USH2A: variants seen among roughly 807,000 people sequenced by gnomAD.
USH2A encodes Usher syndrome 2A (autosomal recessive, mild).
A neutral mutation model predicts 538.9 loss-of-function variants in USH2A; 443 were observed. That is an observed-to-expected ratio of 0.82 (90% CI 0.76 to 0.89). The LOEUF is 0.89. Among genes scored for constraint, USH2A ranks in the 40% least tolerant of loss-of-function variants. The pLI is 0.00. For synonymous variants in USH2A, 2,413 were observed against 2,273.5 expected (o/e 1.06, Z -1.75); for missense variants, 6,633 against 6,324.8 (o/e 1.05, Z -1.65).
intron 4 of USH2A, among the ~76,000 whole-genome samples, 189 bp from the exon 5 acceptor site, chr1:216,327,843 A>T (rs1034348281): frequency 6.6e-6 from 1 of 152,164 alleles, no homozygotes; most frequent in Non-Finnish European, 1.5e-5. Flanking sequence ...AATCATAGTT[A>T]TCTCCATGGA....
chr1:216,251,442 CTTT>C (rs779947689), intron 11 of USH2A, among the ~76,000 whole-genome samples: 2 of 80,386 alleles, frequency 2.5e-5, no homozygotes, highest in African/African-American at 8.8e-5. Context: ...ACCACTTCCC[CTTT>C]TTTTTTTTTT....
chr1:215,941,441 A>G (rs747653927), intron 37 of USH2A, among the ~76,000 whole-genome samples: 4 of 151,952 alleles, frequency 2.6e-5, no homozygotes, highest in Admixed American at 1.3e-4. Flanking sequence ...GTTTTTTTCC[A>G]CTTTGACTTA....
At chr1:216,245,344 A>G (rs1173582395) in intron 13 of USH2A, among the ~76,000 whole-genome samples, 9 of 152,230 alleles carry the variant, frequency 5.9e-5, no homozygotes, top group Admixed American at 5.9e-4. Context: ...TTTCCTCTAG[A>G]AATTATAACT....
intron 32 of USH2A, among the ~76,000 whole-genome samples, chr1:216,022,989 C>A (rs999747903): frequency 2.0e-5 from 3 of 152,096 alleles, no homozygotes; most frequent in Non-Finnish European, 4.4e-5. Context: ...CCAGCTTGAT[C>A]CTAAGTGCAA....
chr1:216,122,533 T>G (rs1042862963), intron 21 of USH2A, among the ~76,000 whole-genome samples: 1 of 152,176 alleles, frequency 6.6e-6, no homozygotes, highest in Non-Finnish European at 1.5e-5. Flanking sequence ...GCAGCAATAC[T>G]GGTTTTAGGA....
intron 21 of USH2A, among the ~76,000 whole-genome samples, chr1:216,115,087 C>T (rs1192071254): frequency 6.6e-6 from 1 of 150,512 alleles, no homozygotes; most frequent in East Asian, 2.0e-4. Context: ...CCCAAATTGC[C>T]CTTACATACC....
chr1:216,131,935 G>T (rs899054559), intron 21 of USH2A, among the ~76,000 whole-genome samples: 2 of 151,944 alleles, frequency 1.3e-5, no homozygotes, highest in East Asian at 3.9e-4. Flanking sequence ...TAGCAGAAAG[G>T]CATGGTAATT....
At chr1:215,828,400 A>G (rs74828797) in intron 47 of USH2A, among the ~76,000 whole-genome samples, 5,489 of 152,248 alleles carry the variant, frequency 0.036, 174 homozygotes, top group East Asian at 0.15. Flanking sequence ...GGCTGCAGTG[A>G]GCTGCACTCC....
chr1:215,775,836 AG>A (rs1468179027), intron 55 of USH2A, among the ~76,000 whole-genome samples: 1 of 152,244 alleles, frequency 6.6e-6, no homozygotes, highest in Non-Finnish European at 1.5e-5. Context: ...ATTAACTTCT[AG>A]GAAGATGAGA....
chr1:215,782,184 T>C lies in USH2A; in HGVS notation c.10598A>G (p.Tyr3533Cys), dbSNP rs1447073164. ...AATTCCATTTCGAAGAAGGATGTAG[T>C]AAATAATAGGACCTAAAAGAAGCAG... is the stretch of plus-strand genomic sequence containing the variant. ...KPIQSNGPII[Y>C]YILLRNGIER... Residue 3533 changes from tyrosine to cysteine, a missense_variant, in exon 54 of 72, where the codon TAC becomes TGC. Transcript: ENST00000307340. 2 of 1,613,874 alleles carry C rather than the reference T, an allele frequency of 1.2e-6. No individual in the cohort carries two copies. The highest frequency in any genetic ancestry group is 1.7e-5 in the Admixed American group (1 of 60,008).
chr1:216,034,898 G>A (rs1214559273), intron 32 of USH2A, among the ~76,000 whole-genome samples: 2 of 152,124 alleles, frequency 1.3e-5, no homozygotes, highest in Non-Finnish European at 2.9e-5. Flanking sequence ...ATTGTATTAA[G>A]CAGCACTAGG....
intron 21 of USH2A, among the ~76,000 whole-genome samples, chr1:216,171,676 C>G (rs1410734064): frequency 6.6e-6 from 1 of 151,954 alleles, no homozygotes; most frequent in Admixed American, 6.6e-5. Context: ...ATTAGGTGGG[C>G]TATCTACTTT....
At chr1:215,964,885 CAAAAATGGCTTGTTTA>C (rs1202945933) in intron 37 of USH2A, among the ~76,000 whole-genome samples, 1 of 152,102 alleles carries the variant, frequency 6.6e-6, no homozygotes, top group Admixed American at 6.6e-5. Context: ...AAAACAGTCA[CAAAAATGGCTTGTTTA>C]AGATGGACTG....
intron 61 of USH2A, among the ~76,000 whole-genome samples, chr1:215,727,541 A>G (rs1280405423): frequency 6.6e-6 from 1 of 152,164 alleles, no homozygotes; most frequent in African/African-American, 2.4e-5. Flanking sequence ...AGCCTGGCCA[A>G]CATGGTGAAA....
chr1:215,873,918 G>A (rs1308872340), intron 43 of USH2A, among the ~76,000 whole-genome samples: 1 of 152,074 alleles, frequency 6.6e-6, no homozygotes, highest in Admixed American at 6.5e-5. Flanking sequence ...ATTATAATCT[G>A]ACAGTCAATA....
intron 13 of USH2A, among the ~76,000 whole-genome samples, chr1:216,240,073 T>C (rs1198685682): frequency 6.9e-6 from 1 of 145,828 alleles, no homozygotes; most frequent in African/African-American, 2.5e-5. Context: ...TAGATACCTA[T>C]AAGAAAAAGC....
intron 47 of USH2A, among the ~76,000 whole-genome samples, chr1:215,821,907 C>T (rs1663027840): frequency 6.6e-6 from 1 of 151,662 alleles, no homozygotes; most frequent in South Asian, 2.1e-4. Flanking sequence ...GTTCTTGGTT[C>T]CTTTGTTAAA....
At chr1:215,695,955 G>C (rs1361695056) in intron 61 of USH2A, among the ~76,000 whole-genome samples, 3 of 151,642 alleles carry the variant, frequency 2.0e-5, no homozygotes, top group Non-Finnish European at 4.4e-5. Flanking sequence ...CCCCATGTTG[G>C]CCAGGCTGGT....
intron 21 of USH2A, among the ~76,000 whole-genome samples, chr1:216,118,431 G>A (rs2033058370): frequency 6.6e-6 from 1 of 152,036 alleles, no homozygotes; most frequent in Non-Finnish European, 1.5e-5. Flanking sequence ...TTCTCTATGG[G>A]AACAGGAGCC....
Sources: gnomAD v4.1 joint callset for allele counts (sites outside exome capture counted in the v4.1 genomes callset) on GRCh38, gnomAD v4.1.1 for gene constraint, MANE v1.5 for transcripts, NCBI Gene and HGNC (gene_info 2026-07-23, HGNC 2026-07-21) for gene names.